Variants in RGS20 observed in about 807,000 individuals in gnomAD.
RGS20 encodes regulator of G protein signaling 20, also known as gz-selective GTPase-activating protein.
In RGS20, 30 loss-of-function variants were observed where a neutral mutation model predicts 33.6. That is an observed-to-expected ratio of 0.89 (90% confidence interval 0.67 to 1.21). The LOEUF is 1.21. RGS20 is among the 50% of genes most tolerant of loss of function. RGS20 has a pLI of 0.00. For missense variants in RGS20, 472 were observed against 502.4 expected (o/e 0.94, Z 0.58); for synonymous variants, 208 against 197.9 (o/e 1.05, Z -0.43).
intron 2 of RGS20, among the ~76,000 whole-genome samples, chr8:53,893,476 T>A (rs1299581862): frequency 1.3e-5 from 2 of 152,216 alleles, no homozygotes; most frequent in African/African-American, 2.4e-5. Flanking sequence ...CTTATCTCAG[T>A]CTCACCTGTC....
chr8:53,885,943 A>G (rs897462233), intron 2 of RGS20, among the ~76,000 whole-genome samples: 2 of 152,166 alleles, frequency 1.3e-5, no homozygotes, highest in African/African-American at 4.8e-5. Context: ...CTCCCAAGCC[A>G]GTTTGGCAGA....
intron 1 of RGS20, among the ~76,000 whole-genome samples, chr8:53,874,067 G>A (rs2129272225): frequency 6.6e-6 from 1 of 152,208 alleles, no homozygotes; most frequent in South Asian, 2.1e-4. Context: ...GGGCGTCATG[G>A]CACACACCTG....
At chr8:53,880,301 T>TTATC (rs1179806564) in intron 2 of RGS20, 5 of 153,000 alleles carry the variant, frequency 3.3e-5, no homozygotes, top group Admixed American at 3.3e-4. Context: ...GTTCCCCCCC[T>TTATC]TATCCCCCGC....
intron 5 of RGS20, among the ~76,000 whole-genome samples, chr8:53,955,432 GA>G (rs1036611664): frequency 5.9e-5 from 9 of 152,130 alleles, no homozygotes; most frequent in Admixed American, 1.3e-4. Context: ...TACTGATGCT[GA>G]AAAGGTTTTC....
chr8:53,947,524 C>CTA (rs1306816320), intron 4 of RGS20, among the ~76,000 whole-genome samples: 2 of 128,092 alleles, frequency 1.6e-5, no homozygotes, highest in Non-Finnish European at 3.2e-5. Context: ...TTTATATATG[C>CTA]TATATAGGAT....
chr8:53,929,471 A>G (rs13267284), intron 2 of RGS20, among the ~76,000 whole-genome samples: 46,450 of 151,926 alleles, frequency 0.31, 7,470 homozygotes, highest in African/African-American at 0.41. Flanking sequence ...ACCTAAGGTC[A>G]GGAGTTCAAA....
chr8:53,954,681 G>T (rs1382681736), intron 5 of RGS20, among the ~76,000 whole-genome samples: 1 of 142,822 alleles, frequency 7.0e-6, no homozygotes, highest in Non-Finnish European at 1.5e-5. Flanking sequence ...CTAAACAAAA[G>T]TAATTGCCTT....
At chr8:53,940,557 C>T (rs1034034303) in intron 3 of RGS20, among the ~76,000 whole-genome samples, 14 of 152,184 alleles carry the variant, frequency 9.2e-5, no homozygotes, top group African/African-American at 3.1e-4. Flanking sequence ...ATGGAACTAA[C>T]AGAACTGATC....
intron 2 of RGS20, among the ~76,000 whole-genome samples, chr8:53,916,561 T>G (rs1447218107): frequency 1.3e-5 from 2 of 152,196 alleles, no homozygotes; most frequent in Non-Finnish European, 2.9e-5. Flanking sequence ...GAAGTATGGT[T>G]GTTGGCCTAA....
At chr8:53,957,198 C>T (rs1354241389) in intron 5 of RGS20, among the ~76,000 whole-genome samples, 1 of 152,230 alleles carries the variant, frequency 6.6e-6, no homozygotes, top group East Asian at 1.9e-4. Flanking sequence ...ATGGTCTCGG[C>T]TCACTGCAAC....
intron 1 of RGS20, among the ~76,000 whole-genome samples, chr8:53,865,233 C>T (rs1026561693): frequency 6.6e-5 from 10 of 152,196 alleles, no homozygotes; most frequent in South Asian, 6.2e-4. Flanking sequence ...TTGAGAGATC[C>T]GGCCCAGGTC....
At chr8:53,930,995 G>A (rs1188382473) in intron 2 of RGS20, among the ~76,000 whole-genome samples, 1 of 152,172 alleles carries the variant, frequency 6.6e-6, no homozygotes, top group African/African-American at 2.4e-5. Flanking sequence ...CAGGTGAGGT[G>A]AAGACGTGAT....
rs201396464 is a variant in RGS20 at position 53,947,557 on chromosome 8, C to CTA, written c.743+814_743+815dup. 9.1e-3 allele frequency among the ~76,000 whole-genome samples: 1,041 copies of CTA among 114,154 alleles called. 39 individuals carry two copies. In the East Asian group the frequency reaches 0.11, roughly 12 times the overall value. The allele number at this position is 114,154 out of a possible 152,430, so 74.9% of individuals were successfully genotyped here. A position where few individuals can be genotyped will look rare whatever the true frequency, so the allele number is the denominator to read the frequency against. ...GATATAGTATATACATTTATATATG[C>CTA]TATATAGGATATAGTATATACATTT... On this transcript the variant is annotated intron_variant, in intron 4 of 5. Transcript: ENST00000297313.
intron 2 of RGS20, among the ~76,000 whole-genome samples, chr8:53,883,438 A>C (rs965938002): frequency 1.2e-4 from 19 of 152,034 alleles, no homozygotes; most frequent in African/African-American, 3.1e-4. Flanking sequence ...TTCTGGGATT[A>C]CAGGAGTGAG....
intron 2 of RGS20, chr8:53,880,894 G>T: frequency 6.7e-7 from 1 of 1,495,670 alleles, no homozygotes; most frequent in African/African-American, 1.4e-5. Context: ...GGAAGAGGCC[G>T]GGAGAAGAGG....
At chr8:53,894,574 C>G (rs1257373340) in intron 2 of RGS20, among the ~76,000 whole-genome samples, 3 of 152,186 alleles carry the variant, frequency 2.0e-5, no homozygotes, top group Non-Finnish European at 4.4e-5. Flanking sequence ...ACTGATGGGC[C>G]TACACAAATA....
At chr8:53,854,425 C>T (rs1316401439) in intron 1 of RGS20, among the ~76,000 whole-genome samples, 1 of 151,820 alleles carries the variant, frequency 6.6e-6, no homozygotes, top group African/African-American at 2.4e-5. Flanking sequence ...ACATGAACAG[C>T]CATTTTACTG....
At chr8:53,895,942 C>T (rs2129279093) in intron 2 of RGS20, among the ~76,000 whole-genome samples, 2 of 151,966 alleles carry the variant, frequency 1.3e-5, no homozygotes, top group Admixed American at 1.3e-4. Flanking sequence ...CCACCACGCC[C>T]AGCCAAGAAT....
At chr8:53,908,064 CAGAG>C (rs1813234921) in intron 2 of RGS20, among the ~76,000 whole-genome samples, 1 of 152,260 alleles carries the variant, frequency 6.6e-6, no homozygotes, top group Admixed American at 6.5e-5. Flanking sequence ...TGATGCTTGA[CAGAG>C]AGCGCTCAAT....
Sources: allele counts gnomAD v4.1 joint callset (sites outside exome capture counted in the v4.1 genomes callset), GRCh38; gene constraint gnomAD v4.1.1; transcripts MANE v1.5; gene names NCBI Gene and HGNC (gene_info 2026-07-23, HGNC 2026-07-21).